The following COMMD1 variants were observed in gnomAD, a reference collection of about 807,000 sequenced individuals.
COMMD1 encodes copper metabolism domain containing 1.
A neutral mutation model predicts 17.2 loss-of-function variants in COMMD1; 10 were observed. The observed-to-expected ratio is 0.58, with a 90% CI of 0.36 to 0.99. The LOEUF (loss-of-function observed/expected upper bound fraction) is 0.99. COMMD1 is among the 50% of genes least tolerant of loss of function. COMMD1 has a pLI of 0.01. For missense variants in COMMD1, 270 were observed against 231.8 expected, an observed-to-expected ratio of 1.17 and a Z score of -1.07; for synonymous variants, 97 against 91.6, an observed-to-expected ratio of 1.06 and a Z score of -0.34.
At position 61,956,241 on chromosome 2, in the gene COMMD1, T is replaced by A. The variant is rs185307854; in HGVS notation, c.181-44460T>A. ...GTCCAAGAGACTATCCTTTCTCCCA[T>A]TGAATTGCCTTATCAGCTTTGTTGA... On this transcript the variant is annotated intron_variant, in intron 1 of 2. Coordinates refer to ENST00000311832, the MANE Select transcript of COMMD1 (RefSeq NM_152516.4). Among the ~76,000 whole-genome samples, 446 of 152,304 alleles carry A rather than the reference T, an allele frequency of 2.9e-3. 1 individual carries two copies. The highest frequency in any genetic ancestry group is 0.01 in the African/African-American group (426 of 41,554).
chr2:61,917,012 C>G lies in COMMD1; in HGVS notation c.180+11154C>G, dbSNP rs188823599. 2.8e-3 allele frequency among the ~76,000 whole-genome samples: 426 copies of G among 152,160 alleles called. 4 individuals are homozygous for G. Among genetic ancestry groups the G allele is most frequent in the South Asian group, 0.012 (58 of 4,818 alleles). The stretch of plus-strand genomic sequence containing the variant: ...ATAATTTGATCCTGCTTGCTAAATA[C>G]CTGGGAAATTTTTATGGAAAGCAAT... On this transcript the variant is annotated intron_variant, in intron 1 of 2. Transcript: ENST00000311832.
chr2:62,076,321 C>A (rs1671335742), intron 2 of COMMD1, among the ~76,000 whole-genome samples: 1 of 152,036 alleles, frequency 6.6e-6, no homozygotes, highest in Non-Finnish European at 1.5e-5. Context: ...CTGAGAGGGA[C>A]CAAGATGAGG....
chr2:62,055,888 A>G (rs1318068941), intron 2 of COMMD1, among the ~76,000 whole-genome samples: 1 of 152,246 alleles, frequency 6.6e-6, no homozygotes, highest in Non-Finnish European at 1.5e-5. Context: ...CACGCAGTCC[A>G]GGTTGATGAG....
chr2:61,973,183 T>C (rs2103729587), intron 1 of COMMD1, among the ~76,000 whole-genome samples: 1 of 152,316 alleles, frequency 6.6e-6, no homozygotes, highest in Middle Eastern at 3.4e-3. Flanking sequence ...TAATTCTAAT[T>C]TGTTGCTGTT....
In COMMD1 at chr2:61,905,861, A is replaced by G; in HGVS notation, c.180+3A>G. ...CAAAGATGAGGGGGATTCTTAAGGT[A>G]CTGCTCTTTTCTGTAGTCTCCGGCT... On this transcript the variant is annotated splice_donor_region_variant and intron_variant, in intron 1 of 2. Transcript: ENST00000311832. The G allele has an allele frequency of 6.2e-7, 1 of 1,614,046 alleles. No individual in the cohort carries two copies. Among genetic ancestry groups the G allele is most frequent in the Non-Finnish European group, 8.5e-7 (1 of 1,179,960 alleles).
intron 2 of COMMD1, among the ~76,000 whole-genome samples, chr2:62,088,241 T>G (rs1311316450): frequency 6.6e-6 from 1 of 152,230 alleles, no homozygotes; most frequent in Non-Finnish European, 1.5e-5. Flanking sequence ...GGACTTTCAC[T>G]TGAAAATCGT....
chr2:62,081,685 G>A (rs1355867301), intron 2 of COMMD1, among the ~76,000 whole-genome samples: 2 of 152,026 alleles, frequency 1.3e-5, no homozygotes, highest in African/African-American at 4.8e-5. Flanking sequence ...TGCACATCCT[G>A]TACCTCCTTT....
At chr2:61,990,074 G>A (rs139210731) in intron 1 of COMMD1, among the ~76,000 whole-genome samples, 15 of 152,310 alleles carry the variant, frequency 9.8e-5, no homozygotes, top group African/African-American at 3.6e-4. Context: ...TAAAGGAATA[G>A]CAACTAAGAT....
At chr2:62,118,029 C>G (rs1672652067) in intron 2 of COMMD1, among the ~76,000 whole-genome samples, 1 of 152,138 alleles carries the variant, frequency 6.6e-6, no homozygotes, top group Non-Finnish European at 1.5e-5. Flanking sequence ...AACTTTTAAA[C>G]CAAGTTTATA....
intron 2 of COMMD1, among the ~76,000 whole-genome samples, chr2:62,131,466 C>T (rs1673031495): frequency 6.6e-6 from 1 of 152,186 alleles, no homozygotes; most frequent in Non-Finnish European, 1.5e-5. Flanking sequence ...TACCTTCTGC[C>T]TCTGGCTTGA....
chr2:62,095,372 A>G (rs1671971838), intron 2 of COMMD1, among the ~76,000 whole-genome samples: 1 of 152,200 alleles, frequency 6.6e-6, no homozygotes. Context: ...TAACTTATAC[A>G]ATAATTTTGA....
chr2:61,903,025 G>C (rs1176577583), upstream of COMMD1, among the ~76,000 whole-genome samples: 1 of 152,024 alleles, frequency 6.6e-6, no homozygotes, highest in Non-Finnish European at 1.5e-5. Context: ...TGCAACTTCT[G>C]TAAGTACATG....
intron 2 of COMMD1, among the ~76,000 whole-genome samples, chr2:62,115,096 A>G (rs763528146): frequency 6.6e-6 from 1 of 152,236 alleles, no homozygotes; most frequent in Non-Finnish European, 1.5e-5. Context: ...GTTGCTTTAA[A>G]TGCATTATCA....
chr2:62,065,349 T>C (rs1671003922), intron 2 of COMMD1, among the ~76,000 whole-genome samples: 1 of 143,808 alleles, frequency 7.0e-6, no homozygotes, highest in African/African-American at 2.6e-5. Flanking sequence ...TTTTTTTTTT[T>C]TTTTTTTTTT....
Position 62,135,921 on chromosome 2 carries a change from C to G in COMMD1, c.553C>G (p.Leu185Val). ...AGAGGTAGAAGAAAGTATCAGCACA[C>G]TGATCAGCCAGCCTAACTGAAGATG... ...LSEVEESIST[L>V]ISQPN The change falls in exon 3 of 3, where the codon CTG becomes GTG. Residue 185 changes from leucine (L) to valine (V), a missense_variant. By Grantham distance (32) the Leu-to-Val change is conservative (BLOSUM62 1). Transcript: ENST00000311832. 2 of 1,589,768 alleles carry G rather than the reference C, an allele frequency of 1.3e-6. No homozygotes were observed. The highest frequency in any genetic ancestry group is 2.2e-5 in the South Asian group (2 of 90,620).
Position 62,000,886 on chromosome 2 carries a change from G to T in COMMD1, c.366G>T (p.Leu122=). 1 of 1,614,164 alleles carries T rather than the reference G, an allele frequency of 6.2e-7. No homozygotes were observed. The highest frequency in any genetic ancestry group is 1.1e-5 in the South Asian group (1 of 91,078). Residue 122 remains leucine, a synonymous_variant, in exon 2 of 3, where the codon CTG becomes CTT. Coordinates refer to ENST00000311832, the MANE Select transcript of COMMD1 (RefSeq NM_152516.4). The part of the protein sequence containing the change: ...QSRWNSGLRG[L]SWRVDGKSQS... ...GCTGGAATAGCGGGCTTCGGGGCCTGAGCTGGAGAGTTGATGGCAAGTCTC... is the reference window on the plus strand; with the variant it reads ...GCTGGAATAGCGGGCTTCGGGGCCTTAGCTGGAGAGTTGATGGCAAGTCTC...
chr2:62,034,856 CAG>C (rs1201704919), intron 2 of COMMD1, among the ~76,000 whole-genome samples: 1 of 152,126 alleles, frequency 6.6e-6, no homozygotes, highest in African/African-American at 2.4e-5. Flanking sequence ...TCAGTTTAGA[CAG>C]ACATTAAAGA....
In COMMD1 at chr2:62,042,520, G is replaced by A. The variant is rs371919840; in HGVS notation, c.462+41538G>A. ...CAAGCCCAGCAGGTGCTGGCGGGCC[G>A]TGCCGAGTGCAGGGCCCACTGAGCC... On this transcript the variant is annotated intron_variant, in intron 2 of 2. Coordinates refer to ENST00000311832, the MANE Select transcript of COMMD1 (RefSeq NM_152516.4). Among the ~76,000 whole-genome samples the A allele has an allele frequency of 1.3e-4, 20 of 152,296 alleles. No individual in the cohort carries two copies. In the East Asian group the frequency reaches 2.5e-3, roughly 19 times the overall value.
At position 61,957,087 on chromosome 2, in the gene COMMD1, CGTGTGTGTGTGT is replaced by C. The variant is rs10679710; in HGVS notation, c.181-43591_181-43580del. ...AGTTTTAATTGAAGGAAGATGGATGCGTGTGTGTGTGTGTGTGTGTGTGTGTGTGTGTGTAAA... is the reference window on the plus strand; with the variant it reads ...AGTTTTAATTGAAGGAAGATGGATGCGTGTGTGTGTGTGTGTGTGTGTAAA... On this transcript the variant is annotated intron_variant, in intron 1 of 2. Transcript: ENST00000311832. 4.4e-4 allele frequency among the ~76,000 whole-genome samples: 64 copies of C among 146,902 alleles called. 1 individual carries two copies. Among genetic ancestry groups the C allele is most frequent in the African/African-American group, 9.5e-4 (38 of 40,016 alleles).
Sources: allele counts gnomAD v4.1 joint callset (sites outside exome capture counted in the v4.1 genomes callset), GRCh38; gene constraint gnomAD v4.1.1; transcripts MANE v1.5; gene names NCBI Gene and HGNC (gene_info 2026-07-23, HGNC 2026-07-21).